The following MAMLD1 variants were observed in gnomAD, a reference collection of about 807,000 sequenced individuals.
The protein encoded by MAMLD1 is mastermind like domain containing 1.
In MAMLD1, 14 loss-of-function variants were observed where a neutral mutation model predicts 45.0. The ratio of observed to expected loss-of-function variants is 0.31; its 90% CI spans 0.21 to 0.49. The LOEUF is 0.49. Ranked by LOEUF, MAMLD1 falls within the 20% of genes least tolerant of loss-of-function variation. The pLI, the probability that MAMLD1 is intolerant of heterozygous loss-of-function variation, is 0.99. For missense variants in MAMLD1, 543 were observed against 603.6 expected, an observed-to-expected ratio of 0.90 and a Z score of 1.05; for synonymous variants, 254 against 247.8, an observed-to-expected ratio of 1.02 and a Z score of -0.24.
At chrX:150,368,749 G>A (rs2031726110) in intron 1 of MAMLD1, among the ~76,000 whole-genome samples, 1 of 112,142 alleles carries the variant, frequency 8.9e-6, no homozygotes, top group Non-Finnish European at 1.9e-5. Context: ...TAAGGTATAA[G>A]GAAGGGATCC....
chrX:150,511,938 G>A (rs915257973), intron 7 of MAMLD1, 66 bp from the exon 8 acceptor site: 8 of 989,090 alleles, frequency 8.1e-6, no homozygotes, highest in East Asian at 3.7e-5. Context: ...GCTACCCTCC[G>A]GTGGCCACAG....
intron 1 of MAMLD1, among the ~76,000 whole-genome samples, chrX:150,398,926 C>T (rs781992348): frequency 3.3e-4 from 37 of 112,076 alleles, no homozygotes; most frequent in African/African-American, 1.2e-3. Flanking sequence ...AAATCTTTCT[C>T]TGGTCTCTTT....
intron 5 of MAMLD1, among the ~76,000 whole-genome samples, chrX:150,501,546 G>A (rs781850066): frequency 8.9e-6 from 1 of 112,165 alleles, no homozygotes; most frequent in African/African-American, 3.2e-5. Flanking sequence ...AATCCCATTA[G>A]AATGGTAAAG....
chrX:150,512,304 A>C lies in MAMLD1; in HGVS notation c.*345A>C. ...CAGAGTCCCAAGGCCACCCCACCAG[A>C]AGTGCCCCTGCCTGGGTTCTGTCCC... On this transcript the variant is annotated 3_prime_UTR_variant, in exon 8 of 8. Coordinates refer to ENST00000370401, the MANE Select transcript of MAMLD1 (RefSeq NM_005491.5). 8.9e-7 allele frequency: 1 copy of C among 1,127,328 alleles called. No homozygotes were observed. Among genetic ancestry groups the C allele is most frequent in the Non-Finnish European group, 1.2e-6 (1 of 856,232 alleles). 92.9% of individuals were successfully genotyped at this position (1,127,328 alleles called of 1,213,427 possible).
intron 5 of MAMLD1, among the ~76,000 whole-genome samples, chrX:150,492,207 C>A (rs1269978219): frequency 1.8e-5 from 2 of 112,705 alleles, no homozygotes; most frequent in Non-Finnish European, 3.8e-5. Flanking sequence ...GCCTCTGTCC[C>A]ATCTTCCAAA....
chrX:150,478,354 A>G lies in MAMLD1; in HGVS notation c.2040+4552A>G, dbSNP rs1438028513. 2.7e-5 allele frequency among the ~76,000 whole-genome samples: 3 copies of G among 111,872 alleles called. No individual in the cohort carries two copies. In the Admixed American group the frequency reaches 2.8e-4, roughly 11 times the overall value. On this transcript the variant is annotated intron_variant, in intron 5 of 7. Transcript: ENST00000370401. Reference sequence around the variant, plus strand: ...TTCAAAAAGTAATTATTATATTACTAAAATACATGACCTCCACCCCAAAAT... The same window carrying G: ...TTCAAAAAGTAATTATTATATTACTGAAATACATGACCTCCACCCCAAAAT...
intron 1 of MAMLD1, among the ~76,000 whole-genome samples, chrX:150,370,075 G>A (rs1274954371): frequency 2.8e-5 from 3 of 108,797 alleles, no homozygotes; most frequent in Middle Eastern, 4.7e-3. Flanking sequence ...AAAAGGCTGA[G>A]TGTTTGTTGG....
At chrX:150,449,269 A>G (rs2035588519) in intron 2 of MAMLD1, among the ~76,000 whole-genome samples, 1 of 111,682 alleles carries the variant, frequency 9.0e-6, no homozygotes, top group African/African-American at 3.3e-5. Flanking sequence ...CCCCAAGGGC[A>G]GTGTGCTTTC....
intron 1 of MAMLD1, among the ~76,000 whole-genome samples, chrX:150,411,136 A>C (rs1310205951): frequency 9.0e-6 from 1 of 111,673 alleles, no homozygotes; most frequent in Non-Finnish European, 1.9e-5. Context: ...GACCCCGCTA[A>C]GTCCAAGGAG....
At chrX:150,418,415 G>C (rs2034344959) in intron 1 of MAMLD1, among the ~76,000 whole-genome samples, 1 of 108,929 alleles carries the variant, frequency 9.2e-6, no homozygotes, top group East Asian at 2.9e-4. Flanking sequence ...ATTTTTTGAA[G>C]GGTTTTTGTG....
chrX:150,387,522 C>T (rs1421495558), intron 1 of MAMLD1, among the ~76,000 whole-genome samples: 1 of 111,995 alleles, frequency 8.9e-6, no homozygotes, highest in African/African-American at 3.2e-5. Context: ...GATGCGTATA[C>T]AGAGGGCTGA....
intron 1 of MAMLD1, among the ~76,000 whole-genome samples, chrX:150,378,571 A>C (rs111243876): frequency 4.2e-4 from 47 of 112,079 alleles, no homozygotes; most frequent in African/African-American, 1.5e-3. Flanking sequence ...TGGTCAGTGC[A>C]TTATGCTGGT....
At chrX:150,437,226 G>T (rs1282156752) in intron 1 of MAMLD1, among the ~76,000 whole-genome samples, 1 of 111,873 alleles carries the variant, frequency 8.9e-6, no homozygotes, top group African/African-American at 3.3e-5. Context: ...GTAGCAGAAC[G>T]GCAGGGTGCA....
rs964823260 is a variant in MAMLD1, at chrX:150,512,183, C to T, written c.*224C>T. 10 of 1,137,636 alleles carry T rather than the reference C, an allele frequency of 8.8e-6. No individual in the cohort carries two copies. The highest frequency in any genetic ancestry group is 2.4e-4 in the Middle Eastern group (1 of 4,247). The allele number at this position is 1,137,636 out of a possible 1,213,427, so 93.8% of individuals were successfully genotyped here. A position where few individuals can be genotyped will look rare whatever the true frequency, so the allele number is the denominator to read the frequency against. The stretch of plus-strand genomic sequence containing the variant: ...AGTGATCTCACCAACTCTGGGGAAG[C>T]GGCAAGGAATTTTCACCTCCAGCCC... On this transcript the variant is annotated 3_prime_UTR_variant, in exon 8 of 8. Transcript: ENST00000370401.
intron 1 of MAMLD1, among the ~76,000 whole-genome samples, chrX:150,433,012 A>T (rs1487168791): frequency 8.9e-6 from 1 of 111,788 alleles, no homozygotes; most frequent in Admixed American, 9.5e-5. Flanking sequence ...CAGTATGGCC[A>T]TTTTAACAAT....
intron 5 of MAMLD1, among the ~76,000 whole-genome samples, chrX:150,484,649 T>A (rs2036929492): frequency 8.9e-6 from 1 of 112,519 alleles, no homozygotes; most frequent in Non-Finnish European, 1.9e-5. Flanking sequence ...AGAGGCAAGA[T>A]TACAACCGAG....
At chrX:150,403,631 CA>C (rs1280070398) in intron 1 of MAMLD1, among the ~76,000 whole-genome samples, 1 of 109,874 alleles carries the variant, frequency 9.1e-6, no homozygotes, top group Non-Finnish European at 1.9e-5. Context: ...CATTAACTCC[CA>C]TTTGCCAACA....
At chrX:150,480,592 G>T (rs1363284283) in intron 5 of MAMLD1, among the ~76,000 whole-genome samples, 1 of 111,744 alleles carries the variant, frequency 8.9e-6, no homozygotes, top group Admixed American at 9.5e-5. Flanking sequence ...CTCAGCAACA[G>T]TTTCTAAGAT....
At chrX:150,479,391 C>T (rs981533810) in intron 5 of MAMLD1, among the ~76,000 whole-genome samples, 35 of 111,843 alleles carry the variant, frequency 3.1e-4, no homozygotes, top group Middle Eastern at 4.6e-3. Flanking sequence ...TTTTTCATTG[C>T]TTAGTAACTG....
Sources: gnomAD v4.1 joint callset for allele counts (sites outside exome capture counted in the v4.1 genomes callset) on GRCh38, gnomAD v4.1.1 for gene constraint, MANE v1.5 for transcripts, NCBI Gene and HGNC (gene_info 2026-07-23, HGNC 2026-07-21) for gene names.